Variants in PDGFRA observed in about 807,000 individuals in gnomAD.
PDGFRA encodes platelet derived growth factor receptor alpha.
Under a neutral mutation model 121.5 loss-of-function variants are expected in PDGFRA, and 25 were observed. That is an observed-to-expected ratio of 0.21 (90% CI 0.15 to 0.29). The LOEUF is 0.29. PDGFRA is among the 10% of genes least tolerant of loss of function. The pLI is 1.00. For synonymous variants in PDGFRA, 463 were observed against 494.8 expected, an observed-to-expected ratio of 0.94 and a Z score of 0.85; for missense variants, 1,008 against 1,345.1, an observed-to-expected ratio of 0.75 and a Z score of 3.92.
At chr4:54,249,952 A>G (rs1230563258) in intron 1 of PDGFRA, among the ~76,000 whole-genome samples, 4 of 152,174 alleles carry the variant, frequency 2.6e-5, no homozygotes, top group African/African-American at 9.7e-5. Flanking sequence ...TGAGAATCTT[A>G]CCTTATGGTC....
At chr4:54,284,356 T>A (rs1218986180) in intron 16 of PDGFRA, among the ~76,000 whole-genome samples, 1 of 152,212 alleles carries the variant, frequency 6.6e-6, no homozygotes, top group Non-Finnish European at 1.5e-5. Context: ...GATACCAATT[T>A]TCTCTATTAG....
At chr4:54,280,520 T>C (rs1222364069) in intron 16 of PDGFRA, 38 bp downstream of exon 16, 1 of 1,526,718 alleles carries the variant, frequency 6.5e-7, no homozygotes, top group Admixed American at 1.7e-5. Context: ...GTTGGGACTT[T>C]CCAGTGGTTT....
chr4:54,282,441 C>T (rs765899450), intron 16 of PDGFRA, among the ~76,000 whole-genome samples: 77 of 152,288 alleles, frequency 5.1e-4, no homozygotes, highest in Non-Finnish European at 1.0e-3. Context: ...CACTTCTAAA[C>T]AGTCAGATCT....
intron 1 of PDGFRA, among the ~76,000 whole-genome samples, chr4:54,239,483 C>T (rs1447143313): frequency 6.6e-6 from 1 of 152,250 alleles, no homozygotes; most frequent in Non-Finnish European, 1.5e-5. Flanking sequence ...GAGTTCCACC[C>T]TATGACATCT....
intron 8 of PDGFRA, among the ~76,000 whole-genome samples, chr4:54,271,680 C>G (rs1056430512): frequency 6.7e-6 from 1 of 148,340 alleles, no homozygotes; most frequent in Non-Finnish European, 1.5e-5. Context: ...TCCTTCTTCC[C>G]TCCCTCCTTT....
At chr4:54,284,115 A>T (rs1298858893) in intron 16 of PDGFRA, among the ~76,000 whole-genome samples, 1 of 152,224 alleles carries the variant, frequency 6.6e-6, no homozygotes, top group Non-Finnish European at 1.5e-5. Context: ...GCTGAAGCTT[A>T]ACAAGGGTGA....
intron 1 of PDGFRA, among the ~76,000 whole-genome samples, chr4:54,235,090 T>C (rs1263772606): frequency 6.6e-6 from 1 of 152,224 alleles, no homozygotes; most frequent in Non-Finnish European, 1.5e-5. Flanking sequence ...AGTGTAGACC[T>C]GCACTTGGTT....
chr4:54,273,883 A>C (rs2110294148), intron 10 of PDGFRA, among the ~76,000 whole-genome samples, 153 bp downstream of exon 10: 1 of 152,310 alleles, frequency 6.6e-6, no homozygotes, highest in African/African-American at 2.4e-5. Flanking sequence ...ACTTTGTTTT[A>C]TTTTGTTTTG....
At chr4:54,294,176 C>T (rs1560495431) in intron 22 of PDGFRA, among the ~76,000 whole-genome samples, 2 of 151,620 alleles carry the variant, frequency 1.3e-5, no homozygotes, top group Admixed American at 6.6e-5. Context: ...GTTTTTATAA[C>T]GTGTTTATAT....
At chr4:54,279,045 G>A (rs1723918788) in intron 15 of PDGFRA, 1 of 332,406 alleles carries the variant, frequency 3.0e-6, no homozygotes, top group Non-Finnish European at 6.1e-6. Context: ...CACCAAATGG[G>A]TGCTAAATTG....
chr4:54,259,544 C>T (rs1722572206), intron 2 of PDGFRA, among the ~76,000 whole-genome samples: 1 of 152,182 alleles, frequency 6.6e-6, no homozygotes, highest in African/African-American at 2.4e-5. Context: ...GTGTATTGGA[C>T]TGTCTTAGTT....
At chr4:54,246,117 T>G (rs546979254) in intron 1 of PDGFRA, among the ~76,000 whole-genome samples, 6,899 of 152,076 alleles carry the variant, frequency 0.045, 516 homozygotes, top group African/African-American at 0.16. Context: ...CAATAATAAT[T>G]GGAGACTTTA....
chr4:54,232,235 C>A (rs550992259), intron 1 of PDGFRA, among the ~76,000 whole-genome samples: 1 of 152,342 alleles, frequency 6.6e-6, no homozygotes, highest in East Asian at 1.9e-4. Context: ...AGCCTTGGGG[C>A]GGCAGATAAT....
rs886059450 is a variant in PDGFRA, at chr4:54,295,408, G to A, written c.*136G>A. 2.3e-5 allele frequency: 19 copies of A among 812,286 alleles called. No homozygotes were observed. Among genetic ancestry groups the A allele is most frequent in the Non-Finnish European group, 3.3e-5 (16 of 489,216 alleles). 50.3% of individuals were successfully genotyped at this position (812,286 alleles called of 1,614,324 possible). A position where few individuals can be genotyped will look rare whatever the true frequency, so the allele number is the denominator to read the frequency against. On this transcript the variant is annotated 3_prime_UTR_variant, in exon 23 of 23. Transcript: ENST00000257290. ...AGAGAAGTTCCCAGCCAAGGGCCTC[G>A]GGGAGCGTTCTAAATATGAATGAAT... is the stretch of plus-strand genomic sequence containing the variant.
intron 2 of PDGFRA, 97 bp from the exon 3 acceptor site, chr4:54,260,998 A>T: frequency 9.2e-7 from 1 of 1,088,032 alleles, no homozygotes; most frequent in East Asian, 2.4e-5. Flanking sequence ...AGAAATGGTC[A>T]TTGTTCATCT....
Position 54,263,736 on chromosome 4 carries a change from C to T in PDGFRA, c.437C>T (p.Ala146Val), listed in dbSNP as rs1249349361. Residue 146 changes from alanine (A) to valine (V), a missense_variant, in exon 4 of 23, where the codon GCC becomes GTC. Physicochemically the swap from Ala to Val is moderately conservative, Grantham distance 64. Transcript: ENST00000257290. ...GTCATCGTGGAGGATGATGATTCTG[C>T]CATTATACCTTGTCGCACAACTGAT... The part of the protein sequence containing the change: ...YLVIVEDDDS[A>V]IIPCRTTDPE... The T allele has an allele frequency of 6.2e-7, 1 of 1,613,770 alleles. No individual in the cohort carries two copies.
At chr4:54,257,816 AGG>A (rs1722456065) in intron 1 of PDGFRA, among the ~76,000 whole-genome samples, 1 of 152,194 alleles carries the variant, frequency 6.6e-6, no homozygotes, top group Admixed American at 6.5e-5. Context: ...GTTTTACCCC[AGG>A]GCAACAGGAG....
chr4:54,253,173 T>TG (rs1722153560), intron 1 of PDGFRA, among the ~76,000 whole-genome samples: 1 of 152,244 alleles, frequency 6.6e-6, no homozygotes, highest in African/African-American at 2.4e-5. Context: ...ATGTGGCTTC[T>TG]GGGGCATCCC....
In PDGFRA at chr4:54,252,697, A is replaced by G. The variant is rs1354845980; in HGVS notation, c.-12-6060A>G. ...CTTGAAGTCACCAGTGGCTTTTGGG[A>G]CTGTGAGAGAGTCTCTTGTGGTCTT... On this transcript the variant is annotated intron_variant, in intron 1 of 22. Transcript: ENST00000257290. 2.9e-4 allele frequency among the ~76,000 whole-genome samples: 44 copies of G among 152,322 alleles called. No homozygotes were observed. In the South Asian group the frequency reaches 6.6e-3, roughly 23 times the overall value.
Sources: allele counts gnomAD v4.1 joint callset (sites outside exome capture counted in the v4.1 genomes callset), GRCh38; gene constraint gnomAD v4.1.1; transcripts MANE v1.5; gene names NCBI Gene and HGNC (gene_info 2026-07-23, HGNC 2026-07-21).